The following ADAP1 variants were observed in gnomAD, a reference collection of about 807,000 sequenced individuals.
The protein encoded by ADAP1 is arf-GAP with dual PH domain-containing protein 1.
In ADAP1, 31 loss-of-function variants were observed where a neutral mutation model predicts 54.9. The observed-to-expected ratio is 0.56, with a 90% CI of 0.42 to 0.76. The LOEUF is 0.76. ADAP1 is among the 30% of genes least tolerant of loss of function. The pLI, the probability that ADAP1 is intolerant of heterozygous loss-of-function variation, is 0.00. For missense variants in ADAP1, 535 were observed against 512.4 expected (o/e 1.04, Z -0.42); for synonymous variants, 313 against 202.6 (o/e 1.55, Z -4.63).
At chr7:927,111 G>A (rs756840585) in intron 2 of ADAP1, 12 of 1,304,186 alleles carry the variant, frequency 9.2e-6, no homozygotes. Context: ...GGGCTGGTGA[G>A]CGAGAGACCC....
At chr7:901,762 TC>T (rs554998132) in intron 6 of ADAP1, among the ~76,000 whole-genome samples, 1 of 137,766 alleles carries the variant, frequency 7.3e-6, no homozygotes, top group South Asian at 2.5e-4. Context: ...CTCCCCTCCT[TC>T]CCCCGCCCAC....
Position 898,737 on chromosome 7 carries a change from G to T in ADAP1, c.*184C>A. 1.4e-6 allele frequency: 1 copy of T among 735,996 alleles called. No individual in the cohort carries two copies. Among genetic ancestry groups the T allele is most frequent in the Non-Finnish European group, 2.2e-6 (1 of 445,692 alleles). 45.6% of individuals were successfully genotyped at this position (735,996 alleles called of 1,614,324 possible). A position where few individuals can be genotyped will look rare whatever the true frequency, so the allele number is the denominator to read the frequency against. On this transcript the variant is annotated 3_prime_UTR_variant, in exon 11 of 11. Coordinates refer to ENST00000265846, the MANE Select transcript of ADAP1 (RefSeq NM_006869.4). ...AGAGATCAGGCCCAGGGCCTGGGCT[G>T]CCTGCCTTGAGGTTCCAGAGAAGCA...
intron 1 of ADAP1, 143 bp downstream of exon 1, chr7:954,253 C>G: frequency 1.2e-6 from 1 of 817,876 alleles, no homozygotes; most frequent in Non-Finnish European, 1.5e-6. Context: ...ATCCGAGCGC[C>G]GATCCGGCCC....
chr7:898,846 A>C lies in ADAP1; in HGVS notation c.*75T>G. ...TGGGGCCAGGTGGCCTCAGGACGCC[A>C]GAGCCCCCCCATCCACGGGTCCCCT... On this transcript the variant is annotated 3_prime_UTR_variant, in exon 11 of 11. Coordinates refer to ENST00000265846, the MANE Select transcript of ADAP1 (RefSeq NM_006869.4). 1.9e-6 allele frequency: 3 copies of C among 1,543,794 alleles called. No homozygotes were observed. Among genetic ancestry groups the C allele is most frequent in the Non-Finnish European group, 2.6e-6 (3 of 1,145,082 alleles).
rs1032820752 is a variant in ADAP1 at position 920,599 on chromosome 7, G to C, written c.306-549C>G. 9.9e-5 allele frequency among the ~76,000 whole-genome samples: 15 copies of C among 152,112 alleles called. No individual in the cohort carries two copies. The highest frequency in any genetic ancestry group is 2.9e-4 in the African/African-American group (12 of 41,414). Reference sequence around the variant, plus strand: ...ACGGAGCTATCAGGGCACCCGTCGAGGTCAGGAGGCGTCCGGGGCATCAGG... The same window carrying C: ...ACGGAGCTATCAGGGCACCCGTCGACGTCAGGAGGCGTCCGGGGCATCAGG... On this transcript the variant is annotated intron_variant, in intron 3 of 10. Transcript: ENST00000265846. This position sits in a 1 kb window ranked among gnomAD's most constrained non-coding sequence, Gnocchi z 4.5.
At chr7:953,393 A>G (rs1479708432) in intron 1 of ADAP1, among the ~76,000 whole-genome samples, 3 of 152,130 alleles carry the variant, frequency 2.0e-5, no homozygotes, top group Non-Finnish European at 4.4e-5. Flanking sequence ...CCTCCATCCC[A>G]GAGGGAATCA....
In ADAP1 at chr7:935,330, C is replaced by T. The variant is rs562959268; in HGVS notation, c.213+45G>A. On this transcript the variant is annotated intron_variant, in intron 2 of 10. Coordinates refer to ENST00000265846, the MANE Select transcript of ADAP1 (RefSeq NM_006869.4). ...CTGGCTCCAGAGGCCCGGGCTGAGG[C>T]CACCCGGGGACTGCGCGGGTCCCCC... The T allele has an allele frequency of 3.8e-5, 58 of 1,538,680 alleles. No individual in the cohort carries two copies. In the African/African-American group the frequency reaches 6.3e-4, roughly 17 times the overall value.
At position 927,775 on chromosome 7, in the gene ADAP1, C is replaced by T. The variant is rs3824073; in HGVS notation, c.214-1131G>A. Among the ~76,000 whole-genome samples, 10 of 152,184 alleles carry T rather than the reference C, an allele frequency of 6.6e-5. No homozygotes were observed. The East Asian group carries it at 1.4e-3, about 21-fold the overall frequency. On this transcript the variant is annotated intron_variant, in intron 2 of 10. Coordinates refer to ENST00000265846, the MANE Select transcript of ADAP1 (RefSeq NM_006869.4). Reference sequence around the variant, plus strand: ...CCAAGGGAAAACTGGCGTGTGCTCCCGAGGACGAGAGCCTCGACCCGAGAC... The same window carrying T: ...CCAAGGGAAAACTGGCGTGTGCTCCTGAGGACGAGAGCCTCGACCCGAGAC...
At chr7:924,581 G>A (rs1343369322) in intron 3 of ADAP1, among the ~76,000 whole-genome samples, 1 of 141,002 alleles carries the variant, frequency 7.1e-6, no homozygotes, top group South Asian at 2.4e-4. Flanking sequence ...CGCCCTCCAA[G>A]TTATACTGCA....
At chr7:905,249 A>T in intron 4 of ADAP1, 77 bp from the exon 5 acceptor site, 1 of 995,472 alleles carries the variant, frequency 1.0e-6, no homozygotes, top group Non-Finnish European at 1.5e-6. Context: ...TGGACAGGAC[A>T]GAGGGGACAT....
intron 2 of ADAP1, among the ~76,000 whole-genome samples, chr7:929,191 C>T (rs1355287134): frequency 2.6e-5 from 4 of 151,764 alleles, no homozygotes; most frequent in South Asian, 2.1e-4. Flanking sequence ...ACTCGGGAGG[C>T]TGAGGCAGGA....
At position 921,142 on chromosome 7, in the gene ADAP1, G is replaced by A. The variant is rs796920529; in HGVS notation, c.306-1092C>T. On this transcript the variant is annotated intron_variant, in intron 3 of 10. Transcript: ENST00000265846. ...AACGTCTGAGATCAAGGCGTCGGCC[G>A]AGCTGGTCCCTCCAGGTGTTCTGGG... is the stretch of plus-strand genomic sequence containing the variant. Among the ~76,000 whole-genome samples, 87 of 152,296 alleles carry A rather than the reference G, an allele frequency of 5.7e-4. 2 individuals carry two copies. The highest frequency in any genetic ancestry group is 1.9e-3 in the African/African-American group (78 of 41,554).
intron 2 of ADAP1, among the ~76,000 whole-genome samples, chr7:933,437 G>A (rs564699409): frequency 6.6e-6 from 1 of 152,084 alleles, no homozygotes; most frequent in South Asian, 2.1e-4. Context: ...CCTGTTAGAA[G>A]CAAATGAGCT....
intron 6 of ADAP1, among the ~76,000 whole-genome samples, chr7:901,868 G>A (rs1844834653): frequency 6.6e-6 from 1 of 150,472 alleles, no homozygotes; most frequent in African/African-American, 2.5e-5. Context: ...CAAAGGCCTT[G>A]GGAATTCACA....
intron 1 of ADAP1, among the ~76,000 whole-genome samples, chr7:953,498 C>A (rs1438027223): frequency 1.3e-5 from 2 of 152,190 alleles, no homozygotes; most frequent in Non-Finnish European, 2.9e-5. Context: ...TCCCTGGGGG[C>A]CTCAGTCACC....
At position 945,406 on chromosome 7, in the gene ADAP1, T is replaced by C. The variant is rs1182984430; in HGVS notation, c.82+8990A>G. ...GCTGCACTCCAGCTGCCCCCTCCAC[T>C]CGGGGCACTGAACCGTGGGGCCGGC... is the stretch of plus-strand genomic sequence containing the variant. On this transcript the variant is annotated intron_variant, in intron 1 of 10. Transcript: ENST00000265846. The surrounding 1 kb of genome is among the most constrained non-coding windows in gnomAD (Gnocchi z 4.2). Among the ~76,000 whole-genome samples, 1 of 152,186 alleles carries C rather than the reference T, an allele frequency of 6.6e-6. No homozygotes were observed. Among genetic ancestry groups the C allele is most frequent in the African/African-American group, 2.4e-5 (1 of 41,456 alleles).
intron 1 of ADAP1, among the ~76,000 whole-genome samples, chr7:940,806 G>C (rs1309813924): frequency 6.6e-6 from 1 of 152,166 alleles, no homozygotes; most frequent in African/African-American, 2.4e-5. Context: ...AGTAATGCAA[G>C]GTTGGTTTAA....
intron 1 of ADAP1, among the ~76,000 whole-genome samples, chr7:937,209 CTG>C (rs67839516): frequency 1.6e-5 from 1 of 63,932 alleles, no homozygotes; most frequent in Admixed American, 1.4e-4. Context: ...CGCCCGACCT[CTG>C]GGATTTGGGG....
rs1219961616 is a variant in ADAP1 at position 906,685 on chromosome 7, C to G, written c.389-1513G>C. On this transcript the variant is annotated intron_variant, in intron 4 of 10. Transcript: ENST00000265846. Reference sequence around the variant, plus strand: ...CGGGAAAGGGGACATGGACAGGGGACACGGGGGACATGGACATGGGGGACG... The same window carrying G: ...CGGGAAAGGGGACATGGACAGGGGAGACGGGGGACATGGACATGGGGGACG... Among the ~76,000 whole-genome samples the G allele has an allele frequency of 6.1e-4, 30 of 48,930 alleles. 2 individuals carry two copies. The highest frequency in any genetic ancestry group is 1.3e-3 in the African/African-American group (11 of 8,778). 32.1% of individuals were successfully genotyped at this position (48,930 alleles called of 152,430 possible).
Sources: allele counts gnomAD v4.1 joint callset (sites outside exome capture counted in the v4.1 genomes callset), GRCh38; gene constraint gnomAD v4.1.1; non-coding constraint Gnocchi (gnomAD v3.1); transcripts MANE v1.5; gene names NCBI Gene and HGNC (gene_info 2026-07-23, HGNC 2026-07-21).